LRP1B: variants seen among roughly 807,000 people sequenced by gnomAD.
LRP1B encodes the protein LDL receptor related protein 1B.
LRP1B carries 217 observed loss-of-function variants against 556.6 expected under a neutral mutation model. The ratio of observed to expected loss-of-function variants is 0.39; its 90% CI spans 0.35 to 0.44. The LOEUF (loss-of-function observed/expected upper bound fraction) is 0.44, where lower values mean the gene tolerates loss of function less well. Among genes scored for constraint, LRP1B ranks in the 20% least tolerant of loss-of-function variants. The pLI is 1.00. For synonymous variants in LRP1B, 2,047 were observed against 1,865.8 expected (o/e 1.10, Z -2.50); for missense variants, 5,053 against 5,620.8 (o/e 0.90, Z 3.23).
intron 3 of LRP1B, among the ~76,000 whole-genome samples, chr2:141,314,652 G>A (rs184647477): frequency 4.6e-5 from 7 of 151,252 alleles, no homozygotes; most frequent in Admixed American, 6.6e-5. Flanking sequence ...TTAGCCGGGC[G>A]TGGTGGCGGG....
intron 1 of LRP1B, among the ~76,000 whole-genome samples, chr2:142,124,490 T>G (rs889763075): frequency 8.6e-5 from 13 of 151,888 alleles, no homozygotes; most frequent in African/African-American, 3.1e-4. Context: ...ATATTCTTTA[T>G]TGAGAGAAAA....
intron 82 of LRP1B, 64 bp from the exon 83 acceptor site, chr2:140,315,163 A>G: frequency 9.1e-7 from 1 of 1,093,094 alleles, no homozygotes; most frequent in African/African-American, 1.6e-5. Context: ...AAAATAATTC[A>G]AATAGATACA....
intron 32 of LRP1B, among the ~76,000 whole-genome samples, chr2:140,784,411 C>CACACACACACACACAT (rs777213091): frequency 0.017 from 2,518 of 150,050 alleles, 37 homozygotes; most frequent in Middle Eastern, 0.038. Flanking sequence ...CACACACACA[C>CACACACACACACACAT]ACACACACAC....
At chr2:141,742,894 T>C (rs1365942120) in intron 2 of LRP1B, among the ~76,000 whole-genome samples, 1 of 152,174 alleles carries the variant, frequency 6.6e-6, no homozygotes, top group Non-Finnish European at 1.5e-5. Context: ...ATTTCTTGAT[T>C]TCTTTTTCAA....
At chr2:142,010,257 T>C (rs563158007) in intron 1 of LRP1B, among the ~76,000 whole-genome samples, 5 of 152,144 alleles carry the variant, frequency 3.3e-5, no homozygotes, top group African/African-American at 1.2e-4. Context: ...TGTTAATCAT[T>C]TGGAGATTAA....
At chr2:141,043,919 C>A (rs1484215588) in intron 11 of LRP1B, among the ~76,000 whole-genome samples, 1 of 151,930 alleles carries the variant, frequency 6.6e-6, no homozygotes, top group Non-Finnish European at 1.5e-5. Flanking sequence ...GAAAAAACTA[C>A]TTTAAAGTTC....
At chr2:140,784,248 A>G (rs1689807152) in intron 32 of LRP1B, among the ~76,000 whole-genome samples, 1 of 151,950 alleles carries the variant, frequency 6.6e-6, no homozygotes, top group Non-Finnish European at 1.5e-5. Flanking sequence ...TCAGTCCCCT[A>G]CCCTGACTTT....
chr2:141,361,531 A>G (rs929212590), intron 3 of LRP1B, among the ~76,000 whole-genome samples: 1 of 152,122 alleles, frequency 6.6e-6, no homozygotes, highest in Non-Finnish European at 1.5e-5. Context: ...TATTTTAAAA[A>G]CCCTAAAGAT....
Position 142,115,651 on chromosome 2 carries a change from AT to A in LRP1B, c.82+14996del, listed in dbSNP as rs1274535386. Among the ~76,000 whole-genome samples, 2 of 9,034 alleles carry A rather than the reference AT, an allele frequency of 2.2e-4. 1 individual carries two copies. The highest frequency in any genetic ancestry group is 4.8e-4 in the Non-Finnish European group (2 of 4,202). The allele number at this position is 9,034 out of a possible 152,430, so 5.9% of individuals were successfully genotyped here. On this transcript the variant is annotated intron_variant, in intron 1 of 90. Transcript: ENST00000389484. ...TATATATTATATATGTAATATATAT[AT>A]TATATGTAATATATATATGTAATAT... is the stretch of plus-strand genomic sequence containing the variant.
chr2:140,537,843 T>C (rs1679981052), intron 45 of LRP1B, among the ~76,000 whole-genome samples: 1 of 152,126 alleles, frequency 6.6e-6, no homozygotes. Context: ...GTGATCCCTA[T>C]TTTGAAGGGT....
intron 3 of LRP1B, among the ~76,000 whole-genome samples, chr2:141,441,143 C>T (rs990937146): frequency 9.2e-5 from 14 of 151,956 alleles, no homozygotes; most frequent in Admixed American, 8.5e-4. Context: ...ATGGTACGAT[C>T]TTGGTTCACT....
At chr2:141,148,100 C>T (rs894099963) in intron 7 of LRP1B, among the ~76,000 whole-genome samples, 1 of 152,166 alleles carries the variant, frequency 6.6e-6, no homozygotes. Flanking sequence ...TGTCATTAAG[C>T]ATGCGTGACT....
intron 2 of LRP1B, among the ~76,000 whole-genome samples, chr2:141,775,217 G>T (rs1695025695): frequency 6.6e-6 from 1 of 152,320 alleles, no homozygotes; most frequent in Non-Finnish European, 1.5e-5. Context: ...CATTGTCTTG[G>T]AGCTATTTCA....
chr2:140,858,486 A>G (rs1369750192), intron 27 of LRP1B, among the ~76,000 whole-genome samples: 5 of 124,418 alleles, frequency 4.0e-5, no homozygotes, highest in African/African-American at 5.7e-5. Context: ...TATATAATAT[A>G]TATTTTATAT....
chr2:140,402,427 A>C (rs1207185417), intron 66 of LRP1B, among the ~76,000 whole-genome samples: 1 of 152,202 alleles, frequency 6.6e-6, no homozygotes, highest in African/African-American at 2.4e-5. Flanking sequence ...AGAGCTTTGC[A>C]TGGTTGCACC....
intron 3 of LRP1B, among the ~76,000 whole-genome samples, chr2:141,479,346 A>C (rs565437318): frequency 6.6e-6 from 1 of 152,122 alleles, no homozygotes; most frequent in Non-Finnish European, 1.5e-5. Context: ...ATAGCATCTG[A>C]CTTTGAGCAC....
chr2:141,122,873 G>A (rs1574096604), intron 7 of LRP1B, among the ~76,000 whole-genome samples: 3 of 152,156 alleles, frequency 2.0e-5, no homozygotes, highest in Admixed American at 6.5e-5. Flanking sequence ...ATGATAGACT[G>A]GATTAAGAAA....
chr2:140,374,968 T>C (rs1483116435), intron 68 of LRP1B, among the ~76,000 whole-genome samples: 1 of 152,164 alleles, frequency 6.6e-6, no homozygotes, highest in Admixed American at 6.6e-5. Flanking sequence ...TTCTTTAATG[T>C]ATAACTATTT....
chr2:140,266,344 T>C (rs905373411), intron 86 of LRP1B, among the ~76,000 whole-genome samples: 3 of 152,096 alleles, frequency 2.0e-5, no homozygotes, highest in Non-Finnish European at 2.9e-5. Flanking sequence ...TTGATACTCA[T>C]TGGCACTCTA....
Sources: gnomAD v4.1 joint callset for allele counts (sites outside exome capture counted in the v4.1 genomes callset) on GRCh38, gnomAD v4.1.1 for gene constraint, MANE v1.5 for transcripts, NCBI Gene and HGNC (gene_info 2026-07-23, HGNC 2026-07-21) for gene names.